Variants in FIRRM observed in about 807,000 individuals in gnomAD.
The protein encoded by FIRRM is FIGNL1 interacting regulator of recombination and mitosis.
chr1:169,793,574 C>A, the FIRRM span: 1 of 1,614,182 alleles, frequency 6.2e-7, no homozygotes, highest in Non-Finnish European at 8.5e-7. Context: ...CCTCTCTTCT[C>A]CTTTTTGACT....
chr1:169,811,189 C>T, the FIRRM span, among the ~76,000 whole-genome samples: 1 of 152,084 alleles, frequency 6.6e-6, no homozygotes, highest in African/African-American at 2.4e-5. Flanking sequence ...TTTCTATAAA[C>T]AGGGAAATTT....
the FIRRM span, among the ~76,000 whole-genome samples, chr1:169,821,225 AT>A: frequency 6.6e-6 from 1 of 151,964 alleles, no homozygotes; most frequent in African/African-American, 2.4e-5. Context: ...TAATTTGGAT[AT>A]TTTTCAGTAG....
chr1:169,819,148 TC>T, the FIRRM span, among the ~76,000 whole-genome samples: 866 of 152,304 alleles, frequency 5.7e-3, 22 homozygotes, highest in Admixed American at 0.014. Context: ...GATCCTGGAT[TC>T]CCAAAAGAGA....
chr1:169,824,345 A>T, the FIRRM span, among the ~76,000 whole-genome samples: 1 of 152,092 alleles, frequency 6.6e-6, no homozygotes, highest in East Asian at 1.9e-4. Context: ...ACCAGCAATT[A>T]TTCCCTTTCC....
the FIRRM span, among the ~76,000 whole-genome samples, chr1:169,794,447 A>T: frequency 6.6e-6 from 1 of 152,218 alleles, no homozygotes; most frequent in Non-Finnish European, 1.5e-5. Flanking sequence ...GGCAATAATT[A>T]GTAAAGACTA....
the FIRRM span, among the ~76,000 whole-genome samples, chr1:169,847,424 T>G: frequency 6.6e-6 from 1 of 151,914 alleles, no homozygotes; most frequent in Non-Finnish European, 1.5e-5. Context: ...GTATATAAAG[T>G]TTTTCAGAAA....
At chr1:169,803,580 G>A in the FIRRM span, among the ~76,000 whole-genome samples, 3 of 152,052 alleles carry the variant, frequency 2.0e-5, no homozygotes, top group South Asian at 2.1e-4. Context: ...ACAGACACAG[G>A]GATCCTGAAA....
the FIRRM span, among the ~76,000 whole-genome samples, chr1:169,789,207 G>A: frequency 6.6e-6 from 1 of 152,218 alleles, no homozygotes. Flanking sequence ...CCCAGCTGAA[G>A]TGGAGGCAAA....
the FIRRM span, chr1:169,807,680 T>C: frequency 6.3e-6 from 6 of 948,200 alleles, no homozygotes; most frequent in Non-Finnish European, 8.9e-6. Context: ...TGATATATGA[T>C]GCTTTTTGAT....
the FIRRM span, chr1:169,849,881 A>G: frequency 4.2e-6 from 2 of 479,332 alleles, no homozygotes; most frequent in South Asian, 2.6e-5. Flanking sequence ...CTTCCAGCAG[A>G]TAGTATTTTT....
the FIRRM span, among the ~76,000 whole-genome samples, chr1:169,817,276 C>T: frequency 6.6e-6 from 1 of 152,112 alleles, no homozygotes; most frequent in Non-Finnish European, 1.5e-5. Context: ...TATCAGAAAC[C>T]TGCATTGAAA....
At chr1:169,803,742 G>A in the FIRRM span, among the ~76,000 whole-genome samples, 1 of 152,226 alleles carries the variant, frequency 6.6e-6, no homozygotes, top group East Asian at 1.9e-4. Context: ...GAATTTATGG[G>A]TCACAGACAG....
chr1:169,837,718 A>G, the FIRRM span, among the ~76,000 whole-genome samples: 208 of 152,236 alleles, frequency 1.4e-3, no homozygotes, highest in Middle Eastern at 0.01. Context: ...AAAAATTTCT[A>G]CTCTCATAGA....
At chr1:169,849,484 G>A in the FIRRM span, 4 of 1,579,966 alleles carry the variant, frequency 2.5e-6, no homozygotes, top group South Asian at 4.5e-5. Flanking sequence ...ATTATAATAA[G>A]GCTTGGTTCT....
chr1:169,844,452 A>G, the FIRRM span, among the ~76,000 whole-genome samples: 1 of 152,258 alleles, frequency 6.6e-6, no homozygotes, highest in Non-Finnish European at 1.5e-5. Flanking sequence ...AGAAAGATAA[A>G]CAATAACTGT....
chr1:169,843,755 A>G, the FIRRM span: 11 of 1,598,344 alleles, frequency 6.9e-6, no homozygotes, highest in Non-Finnish European at 9.4e-6. Flanking sequence ...TCTAGATCCT[A>G]AACTGATACT....
the FIRRM span, among the ~76,000 whole-genome samples, chr1:169,820,758 TG>T: frequency 6.6e-6 from 1 of 152,182 alleles, no homozygotes; most frequent in Non-Finnish European, 1.5e-5. Context: ...GTCTGCTTTT[TG>T]GGGCTGGAGG....
the FIRRM span, among the ~76,000 whole-genome samples, chr1:169,822,420 T>G: frequency 6.6e-6 from 1 of 152,122 alleles, no homozygotes; most frequent in Admixed American, 6.6e-5. Flanking sequence ...ACTAATATCT[T>G]TTACTAATAA....
At chr1:169,800,896 T>C in the FIRRM span, 2 of 1,571,026 alleles carry the variant, frequency 1.3e-6, no homozygotes, top group Non-Finnish European at 8.7e-7. Flanking sequence ...TTTTGAAAAT[T>C]ATTGTAGAAA....
Sources: gnomAD v4.1 joint callset for allele counts (sites outside exome capture counted in the v4.1 genomes callset) on GRCh38, gnomAD v4.1.1 for gene constraint, MANE v1.5 for transcripts, NCBI Gene and HGNC (gene_info 2026-07-23, HGNC 2026-07-21) for gene names.